GLMN: variants seen among roughly 807,000 people sequenced by gnomAD.
GLMN encodes glomulin, FKBP associated protein.
In GLMN, 75 loss-of-function variants were observed where a neutral mutation model predicts 87.8. The observed-to-expected ratio is 0.85, with a 90% CI of 0.71 to 1.04. The LOEUF is 1.04. Ranked by LOEUF, GLMN falls within the 50% of genes least tolerant of loss-of-function variation. The probability of loss-of-function intolerance (pLI) is 0.00; values close to 1 mark genes in which losing one functional copy is unlikely to be tolerated. For missense variants in GLMN, 588 were observed against 658.8 expected (o/e 0.89, Z 1.18); for synonymous variants, 206 against 221.6 (o/e 0.93, Z 0.63).
rs576042303 is a variant in GLMN, at chr1:92,276,610, C to T, written c.736-4958G>A. Among the ~76,000 whole-genome samples the T allele has an allele frequency of 1.6e-4, 25 of 152,228 alleles. No homozygotes were observed. In the East Asian group the frequency reaches 3.9e-3, roughly 24 times the overall value. On this transcript the variant is annotated intron_variant, in intron 7 of 18. Coordinates refer to ENST00000370360, the MANE Select transcript of GLMN (RefSeq NM_053274.3). ...CCGGGAGGCAGAGGTTTCAGTGAGC[C>T]GACATCATGCCTCTTCACTCCAGCT...
At chr1:92,326,079 A>G in the GLMN span, among the ~76,000 whole-genome samples, 1 of 152,028 alleles carries the variant, frequency 6.6e-6, no homozygotes, top group Non-Finnish European at 1.5e-5. Flanking sequence ...ATATGCATAT[A>G]TGCAACTATA....
At chr1:92,363,776 T>C in the GLMN span, 1 of 303,612 alleles carries the variant, frequency 3.3e-6, no homozygotes, top group Admixed American at 3.7e-5. Context: ...GAATAGTAAA[T>C]ATATTTTCTC....
At chr1:92,309,507 G>T in the GLMN span, among the ~76,000 whole-genome samples, 1 of 151,448 alleles carries the variant, frequency 6.6e-6, no homozygotes, top group Non-Finnish European at 1.5e-5. Flanking sequence ...TTTAAATTGT[G>T]CAGTAAGTGC....
At chr1:92,308,006 G>C in the GLMN span, among the ~76,000 whole-genome samples, 1 of 151,976 alleles carries the variant, frequency 6.6e-6, no homozygotes, top group Non-Finnish European at 1.5e-5. Context: ...CTTGTGGTAA[G>C]GTAGGACCTA....
chr1:92,304,217 A>G, the GLMN span: 1 of 1,208,824 alleles, frequency 8.3e-7, no homozygotes, highest in Non-Finnish European at 1.2e-6. Flanking sequence ...AGATGACTTA[A>G]TCTTGTAACA....
the GLMN span, chr1:92,333,542 TGTAA>T: frequency 1.9e-6 from 2 of 1,027,170 alleles, no homozygotes; most frequent in Admixed American, 1.7e-5. Flanking sequence ...GCTCATAATG[TGTAA>T]GTATTATCCT....
the GLMN span, among the ~76,000 whole-genome samples, chr1:92,346,620 ATACT>A: frequency 2.0e-5 from 3 of 152,210 alleles, no homozygotes; most frequent in Non-Finnish European, 4.4e-5. Flanking sequence ...GTTTGTCAAC[ATACT>A]TTATTAGCAC....
the GLMN span, among the ~76,000 whole-genome samples, chr1:92,320,163 T>C: frequency 2.6e-5 from 4 of 152,268 alleles, no homozygotes; most frequent in Admixed American, 2.6e-4. Context: ...GAAAACTTTA[T>C]TGGGCTGGTG....
At chr1:92,367,914 G>C in the GLMN span, among the ~76,000 whole-genome samples, 4 of 152,210 alleles carry the variant, frequency 2.6e-5, no homozygotes. Flanking sequence ...TTCTATGAGA[G>C]AGTTATTACT....
chr1:92,306,406 G>A, the GLMN span, among the ~76,000 whole-genome samples: 3 of 151,950 alleles, frequency 2.0e-5, no homozygotes, highest in Non-Finnish European at 2.9e-5. Context: ...TTTTTTAATT[G>A]TAAAAAAAAG....
chr1:92,279,077 CT>C (rs1647638599), intron 7 of GLMN, among the ~76,000 whole-genome samples: 1 of 95,442 alleles, frequency 1.0e-5, no homozygotes, highest in African/African-American at 4.8e-5. Flanking sequence ...ATCCAATCAC[CT>C]TTTCACTGTC....
the GLMN span, among the ~76,000 whole-genome samples, chr1:92,349,166 C>T: frequency 6.6e-6 from 1 of 152,078 alleles, no homozygotes; most frequent in African/African-American, 2.4e-5. Flanking sequence ...TAAGTCACAA[C>T]TTGTAGACAT....
At chr1:92,251,885 T>TA (rs760225157) in intron 16 of GLMN, among the ~76,000 whole-genome samples, 3 of 151,790 alleles carry the variant, frequency 2.0e-5, no homozygotes, top group Non-Finnish European at 2.9e-5. Context: ...AGCCTCCACC[T>TA]ACTGGGTTCA....
At chr1:92,326,944 C>T in the GLMN span, among the ~76,000 whole-genome samples, 1 of 152,230 alleles carries the variant, frequency 6.6e-6, no homozygotes, top group Non-Finnish European at 1.5e-5. Flanking sequence ...ACCAGATTCA[C>T]ACCCTCCCTT....
At chr1:92,300,349 T>A (rs1650737192), upstream of GLMN, 10 of 821,902 alleles carry the variant, frequency 1.2e-5, no homozygotes, top group Admixed American at 2.2e-5. Flanking sequence ...AAAATTATCA[T>A]GAGAGGGAAG....
chr1:92,342,985 G>A, the GLMN span, among the ~76,000 whole-genome samples: 117 of 152,232 alleles, frequency 7.7e-4, 1 homozygote, highest in Non-Finnish European at 1.4e-3. Flanking sequence ...TCAAGGAGGA[G>A]GTCCAGACTA....
the GLMN span, among the ~76,000 whole-genome samples, chr1:92,331,568 A>G: frequency 6.6e-6 from 1 of 152,136 alleles, no homozygotes; most frequent in Non-Finnish European, 1.5e-5. Context: ...GTAAGTTAAT[A>G]CTTTTATTGC....
chr1:92,296,504 T>C (rs1474261476), intron 3 of GLMN, among the ~76,000 whole-genome samples: 1 of 152,154 alleles, frequency 6.6e-6, no homozygotes, highest in Non-Finnish European at 1.5e-5. Context: ...CTCCCTATCA[T>C]GAGAAGCATG....
upstream of GLMN, among the ~76,000 whole-genome samples, chr1:92,301,203 G>T (rs547647872): frequency 1.3e-5 from 2 of 152,312 alleles, no homozygotes; most frequent in South Asian, 2.1e-4. Flanking sequence ...CAGAAATTTG[G>T]CCGGATGTGG....
Sources: gnomAD v4.1 joint callset for allele counts (sites outside exome capture counted in the v4.1 genomes callset) on GRCh38, gnomAD v4.1.1 for gene constraint, MANE v1.5 for transcripts, NCBI Gene and HGNC (gene_info 2026-07-23, HGNC 2026-07-21) for gene names.